The following CEP128 variants were observed in gnomAD, a reference collection of about 807,000 sequenced individuals.
CEP128 encodes centrosomal protein 128kDa.
Under a neutral mutation model 156.7 loss-of-function variants are expected in CEP128, and 132 were observed. That is an observed-to-expected ratio of 0.84 (90% CI 0.73 to 0.97). The LOEUF (loss-of-function observed/expected upper bound fraction) is 0.97. Ranked by LOEUF, CEP128 falls within the 50% of genes least tolerant of loss-of-function variation. The pLI, the probability that CEP128 is intolerant of heterozygous loss-of-function variation, is 0.00. For missense variants in CEP128, 1,252 were observed against 1,281.9 expected, an observed-to-expected ratio of 0.98 and a Z score of 0.36; for synonymous variants, 469 against 448.9, an observed-to-expected ratio of 1.04 and a Z score of -0.57.
Position 80,938,055 on chromosome 14 carries a change from C to A in CEP128, c.-16+1330G>T, listed in dbSNP as rs1304447188. 2.0e-5 allele frequency among the ~76,000 whole-genome samples: 3 copies of A among 151,888 alleles called. No individual in the cohort carries two copies. In the South Asian group the frequency reaches 6.2e-4, roughly 32 times the overall value. On this transcript the variant is annotated intron_variant, in intron 2 of 24. Transcript: ENST00000555265. ...GGGACCAAAGGCACATGCCACCATG[C>A]CTGGCTAATTTTTTGATTTTTTTGT... is the stretch of plus-strand genomic sequence containing the variant.
At chr14:80,591,642 T>C (rs1892075239) in intron 19 of CEP128, among the ~76,000 whole-genome samples, 1 of 152,198 alleles carries the variant, frequency 6.6e-6, no homozygotes, top group Non-Finnish European at 1.5e-5. Flanking sequence ...AATTCAGCTC[T>C]GGACCAAGCA....
intron 16 of CEP128, among the ~76,000 whole-genome samples, chr14:80,764,178 G>A (rs987735399): frequency 1.3e-5 from 2 of 152,100 alleles, no homozygotes; most frequent in African/African-American, 4.8e-5. Context: ...ATCTCTATAA[G>A]TTCGGTCTCT....
intron 14 of CEP128, among the ~76,000 whole-genome samples, chr14:80,480,189 A>C (rs1307943712): frequency 6.6e-6 from 1 of 152,136 alleles, no homozygotes; most frequent in African/African-American, 2.4e-5. Flanking sequence ...TGCCCCAGTA[A>C]GGACTCTGTG....
intron 8 of CEP128, among the ~76,000 whole-genome samples, chr14:80,880,745 C>A (rs1280654164): frequency 6.7e-6 from 1 of 149,986 alleles, no homozygotes; most frequent in East Asian, 2.0e-4. Context: ...CGCCTGTAGT[C>A]CCAGCTACTC....
intron 9 of CEP128, among the ~76,000 whole-genome samples, chr14:80,851,975 G>A (rs944828591): frequency 6.6e-5 from 10 of 151,804 alleles, no homozygotes; most frequent in Non-Finnish European, 1.0e-4. Flanking sequence ...CAAATCACAC[G>A]GAGAAACTGA....
At chr14:80,770,083 C>T (rs1477221224) in intron 16 of CEP128, among the ~76,000 whole-genome samples, 1 of 152,132 alleles carries the variant, frequency 6.6e-6, no homozygotes. Flanking sequence ...ATGGAAAGTG[C>T]AGAACATGTT....
chr14:80,625,389 C>T (rs527461776), intron 19 of CEP128, among the ~76,000 whole-genome samples: 5 of 152,056 alleles, frequency 3.3e-5, no homozygotes, highest in Admixed American at 6.5e-5. Flanking sequence ...TGTTATGCCT[C>T]GAGCTTTGTT....
intron 9 of CEP128, among the ~76,000 whole-genome samples, chr14:80,859,962 A>T (rs1309745413): frequency 6.6e-6 from 1 of 152,214 alleles, no homozygotes. Flanking sequence ...TTTTTCATTA[A>T]CATTGAAAGA....
chr14:80,866,735 A>T (rs1010865101), intron 8 of CEP128, among the ~76,000 whole-genome samples: 1 of 152,220 alleles, frequency 6.6e-6, no homozygotes, highest in Admixed American at 6.5e-5. Context: ...TCAGGGAAAC[A>T]TGGTATCACT....
intron 13 of CEP128, among the ~76,000 whole-genome samples, chr14:80,828,592 T>G (rs17111143): frequency 0.13 from 19,495 of 152,122 alleles, 1,664 homozygotes; most frequent in East Asian, 0.45. Context: ...AGTTTAGGAT[T>G]TCCACAAAAA....
chr14:80,853,391 T>C (rs935656534), intron 9 of CEP128, among the ~76,000 whole-genome samples: 1 of 151,826 alleles, frequency 6.6e-6, no homozygotes, highest in African/African-American at 2.4e-5. Context: ...AGATAGTATG[T>C]CAGTAAAGCT....
intron 8 of CEP128, among the ~76,000 whole-genome samples, chr14:80,892,395 A>G (rs1425027962): frequency 3.3e-5 from 5 of 151,964 alleles, no homozygotes; most frequent in Non-Finnish European, 2.9e-5. Flanking sequence ...ACATAAAGAT[A>G]AGTTCAAAAT....
At chr14:80,780,477 C>G (rs1901046883) in intron 15 of CEP128, among the ~76,000 whole-genome samples, 1 of 152,046 alleles carries the variant, frequency 6.6e-6, no homozygotes, top group South Asian at 2.1e-4. Context: ...TCTAGAGCAA[C>G]TTCAATACCA....
chr14:80,570,806 A>T (rs904857671), intron 20 of CEP128, among the ~76,000 whole-genome samples: 1 of 152,092 alleles, frequency 6.6e-6, no homozygotes, highest in Non-Finnish European at 1.5e-5. Flanking sequence ...TGCACTGGGT[A>T]ACTGCCCTGG....
chr14:80,653,973 T>C (rs1895023578), intron 19 of CEP128, among the ~76,000 whole-genome samples: 1 of 152,130 alleles, frequency 6.6e-6, no homozygotes, highest in African/African-American at 2.4e-5. Context: ...TGTGTATCCA[T>C]TGCTACTCAC....
downstream of CEP128, among the ~76,000 whole-genome samples, chr14:80,487,288 CA>C (rs937457087): frequency 1.3e-5 from 2 of 152,128 alleles, no homozygotes; most frequent in African/African-American, 4.8e-5. Context: ...AAAGCCATTA[CA>C]TAATGGTAAA....
intron 19 of CEP128, among the ~76,000 whole-genome samples, chr14:80,702,625 C>A (rs1897111744): frequency 6.6e-6 from 1 of 152,134 alleles, no homozygotes; most frequent in Non-Finnish European, 1.5e-5. Flanking sequence ...TATCAACCTG[C>A]AAGAATAAAT....
intron 6 of CEP128, among the ~76,000 whole-genome samples, chr14:80,904,341 G>A (rs545614821): frequency 2.0e-5 from 3 of 152,050 alleles, no homozygotes; most frequent in Non-Finnish European, 4.4e-5. Context: ...GTGGCGGGGA[G>A]AGGGGGTGAA....
At chr14:80,816,566 G>C (rs1257695484) in intron 13 of CEP128, among the ~76,000 whole-genome samples, 1 of 152,154 alleles carries the variant, frequency 6.6e-6, no homozygotes, top group Non-Finnish European at 1.5e-5. Flanking sequence ...GTATCATTCT[G>C]GCAGGAAGCA....
Sources: allele counts gnomAD v4.1 joint callset (sites outside exome capture counted in the v4.1 genomes callset), GRCh38; gene constraint gnomAD v4.1.1; transcripts MANE v1.5; gene names NCBI Gene and HGNC (gene_info 2026-07-23, HGNC 2026-07-21).